ADAMTSL1: variants seen among roughly 807,000 people sequenced by gnomAD.
ADAMTSL1 encodes ADAMTS like 1, also known as ADAMTS-like protein 1.
Under a neutral mutation model 201.8 loss-of-function variants are expected in ADAMTSL1, and 126 were observed. The ratio of observed to expected loss-of-function variants is 0.62; its 90% CI spans 0.54 to 0.72. The LOEUF (loss-of-function observed/expected upper bound fraction) is 0.72. Ranked by LOEUF, ADAMTSL1 falls within the 30% of genes least tolerant of loss-of-function variation. The probability of loss-of-function intolerance (pLI) is 0.00; values close to 1 mark genes in which losing one functional copy is unlikely to be tolerated. For synonymous variants in ADAMTSL1, 1,121 were observed against 903.4 expected (o/e 1.24, Z -4.32); for missense variants, 2,679 against 2,277.8 (o/e 1.18, Z -3.59).
At chr9:18,542,077 G>A (rs1490386617) in intron 3 of ADAMTSL1, among the ~76,000 whole-genome samples, 1 of 152,086 alleles carries the variant, frequency 6.6e-6, no homozygotes, top group Admixed American at 6.6e-5. Flanking sequence ...GAGCAGGGAG[G>A]GACTGAATAA....
intron 2 of ADAMTSL1, among the ~76,000 whole-genome samples, chr9:18,423,310 T>G (rs1399117545): frequency 6.6e-6 from 1 of 152,184 alleles, no homozygotes; most frequent in East Asian, 1.9e-4. Flanking sequence ...GGTTTTAACC[T>G]TGTTATATGA....
chr9:18,906,958 A>T (rs1422203798), intron 28 of ADAMTSL1, 46 bp downstream of exon 28: 1 of 1,605,672 alleles, frequency 6.2e-7, no homozygotes, highest in Non-Finnish European at 8.5e-7. Flanking sequence ...CCCATAGAGC[A>T]TCGAGTGCAG....
In ADAMTSL1 at chr9:18,886,189, T is replaced by TACAC. The variant is rs1388908266; in HGVS notation, c.4250-1641_4250-1640insCACA. Among the ~76,000 whole-genome samples the TACAC allele has an allele frequency of 2.9e-3, 379 of 129,656 alleles. 13 individuals are homozygous for TACAC. The East Asian group carries it at 0.037, about 13-fold the overall frequency. 85.1% of individuals were successfully genotyped at this position (129,656 alleles called of 152,430 possible). A position where few individuals can be genotyped will look rare whatever the true frequency, so the allele number is the denominator to read the frequency against. On this transcript the variant is annotated intron_variant, in intron 23 of 28. Transcript: ENST00000380548. The stretch of plus-strand genomic sequence containing the variant: ...GTGTATATATATATATATATATATA[T>TACAC]ATATATATATATATATATATATACA...
intron 23 of ADAMTSL1, among the ~76,000 whole-genome samples, chr9:18,836,241 A>T (rs1825301854): frequency 6.6e-6 from 1 of 152,036 alleles, no homozygotes; most frequent in African/African-American, 2.4e-5. Flanking sequence ...CTTTTGAGAA[A>T]TGTCTGTTCC....
At chr9:18,040,059 T>C (rs539740839) in intron 1 of ADAMTSL1, among the ~76,000 whole-genome samples, 1 of 152,336 alleles carries the variant, frequency 6.6e-6, no homozygotes, top group Admixed American at 6.5e-5. Context: ...TTGTCTGTTT[T>C]GTCATTTATT....
At chr9:18,329,765 T>A (rs1402368875) in intron 2 of ADAMTSL1, among the ~76,000 whole-genome samples, 1 of 151,880 alleles carries the variant, frequency 6.6e-6, no homozygotes, top group African/African-American at 2.4e-5. Context: ...AGCATTTATT[T>A]CCTCACTTAT....
intron 10 of ADAMTSL1, among the ~76,000 whole-genome samples, chr9:18,677,089 G>T (rs1351337837): frequency 6.6e-6 from 1 of 151,854 alleles, no homozygotes; most frequent in Non-Finnish European, 1.5e-5. Flanking sequence ...AGTGAAAGTT[G>T]TCATCCAGCA....
intron 2 of ADAMTSL1, among the ~76,000 whole-genome samples, chr9:18,211,853 T>C (rs188765993): frequency 6.6e-6 from 1 of 152,330 alleles, no homozygotes; most frequent in East Asian, 1.9e-4. Flanking sequence ...AGCAAAAATG[T>C]TGGAAATGTT....
intron 2 of ADAMTSL1, among the ~76,000 whole-genome samples, chr9:18,393,221 A>G (rs1321191685): frequency 3.9e-5 from 6 of 152,222 alleles, no homozygotes; most frequent in African/African-American, 9.6e-5. Flanking sequence ...GATTATACAC[A>G]TACACAGTAT....
chr9:18,657,343 C>T (rs962549915), intron 7 of ADAMTSL1, among the ~76,000 whole-genome samples: 4 of 152,022 alleles, frequency 2.6e-5, no homozygotes, highest in African/African-American at 7.3e-5. Context: ...AAATAAAGGA[C>T]GGAAAGGGAA....
At chr9:18,340,623 G>A (rs1039494373) in intron 2 of ADAMTSL1, among the ~76,000 whole-genome samples, 1 of 152,118 alleles carries the variant, frequency 6.6e-6, no homozygotes, top group Non-Finnish European at 1.5e-5. Flanking sequence ...GGAGGGACCA[G>A]GTGGGAGGTA....
chr9:17,985,569 T>A (rs1818890775), intron 1 of ADAMTSL1, among the ~76,000 whole-genome samples: 2 of 152,116 alleles, frequency 1.3e-5, no homozygotes, highest in Admixed American at 1.3e-4. Flanking sequence ...GGAAATTGGT[T>A]GACTGAAATG....
In ADAMTSL1 at chr9:18,721,400, A is replaced by G. The variant is rs573654975; in HGVS notation, c.1877-136A>G. On this transcript the variant is annotated intron_variant, in intron 14 of 28. Transcript: ENST00000380548. ...GACAAGATTGGCAGTCCTGGGCTTT[A>G]AACTGCCATCTCTGACATACAGCGA... The G allele has an allele frequency of 3.2e-6, 4 of 1,257,622 alleles. No individual in the cohort carries two copies. In the South Asian group the frequency reaches 5.9e-5, roughly 19 times the overall value. 77.9% of individuals were successfully genotyped at this position (1,257,622 alleles called of 1,614,324 possible). A position where few individuals can be genotyped will look rare whatever the true frequency, so the allele number is the denominator to read the frequency against.
intron 8 of ADAMTSL1, among the ~76,000 whole-genome samples, chr9:18,658,753 A>T (rs1828875790): frequency 6.6e-6 from 1 of 152,196 alleles, no homozygotes; most frequent in Non-Finnish European, 1.5e-5. Flanking sequence ...ATTGCATTGA[A>T]TTTCCCAATA....
At chr9:18,020,339 C>A (rs539537714) in intron 1 of ADAMTSL1, among the ~76,000 whole-genome samples, 1 of 152,030 alleles carries the variant, frequency 6.6e-6, no homozygotes, top group Non-Finnish European at 1.5e-5. Context: ...TACTACCAAA[C>A]TTAGGTTGTG....
intron 7 of ADAMTSL1, among the ~76,000 whole-genome samples, chr9:18,641,594 T>G (rs562513667): frequency 6.6e-6 from 1 of 152,202 alleles, no homozygotes; most frequent in East Asian, 1.9e-4. Context: ...TAGAAAACAC[T>G]GGGAATCAAA....
intron 14 of ADAMTSL1, among the ~76,000 whole-genome samples, chr9:18,711,939 C>T (rs1384272020): frequency 6.6e-6 from 1 of 152,070 alleles, no homozygotes; most frequent in African/African-American, 2.4e-5. Flanking sequence ...GTCCCTGACC[C>T]CTGACCCCCA....
Position 18,777,573 on chromosome 9 carries a change from A to C in ADAMTSL1, c.3344A>C (p.His1115Pro). ...GAGATCTTCCGCAGCCACCTGGAGC[A>C]CCAGGACACGCTCCTGAAGCCCTCG... ...AQEIFRSHLE[H>P]QDTLLKPSER... Residue 1115 changes from histidine (H) to proline (P), a missense_variant, in exon 19 of 29, where the codon CAC becomes CCC. Transcript: ENST00000380548. 1 of 1,610,106 alleles carries C rather than the reference A, an allele frequency of 6.2e-7. No homozygotes were observed. Among genetic ancestry groups the C allele is most frequent in the Non-Finnish European group, 8.5e-7 (1 of 1,178,444 alleles).
At chr9:18,877,589 A>G (rs958588518) in intron 23 of ADAMTSL1, among the ~76,000 whole-genome samples, 1 of 152,172 alleles carries the variant, frequency 6.6e-6, no homozygotes, top group African/African-American at 2.4e-5. Flanking sequence ...ATTTGTCTTC[A>G]GGTCTCTCAG....
Sources: allele counts gnomAD v4.1 joint callset (sites outside exome capture counted in the v4.1 genomes callset), GRCh38; gene constraint gnomAD v4.1.1; transcripts MANE v1.5; gene names NCBI Gene and HGNC (gene_info 2026-07-23, HGNC 2026-07-21).